Variants in COL25A1 observed in about 807,000 individuals in gnomAD.
The protein encoded by COL25A1 is collagen alpha-1(XXV) chain.
A neutral mutation model predicts 128.4 loss-of-function variants in COL25A1; 103 were observed. The observed-to-expected ratio is 0.80, with a 90% CI of 0.68 to 0.94. The LOEUF (loss-of-function observed/expected upper bound fraction) is 0.94, where lower values mean the gene tolerates loss of function less well. COL25A1 is among the 40% of genes least tolerant of loss of function. COL25A1 has a pLI of 0.00. For missense variants in COL25A1, 745 were observed against 840.0 expected (o/e 0.89, Z 1.40); for synonymous variants, 279 against 277.2 (o/e 1.01, Z -0.06).
chr4:109,104,322 A>C (rs371161795), intron 3 of COL25A1, among the ~76,000 whole-genome samples: 79 of 152,164 alleles, frequency 5.2e-4, no homozygotes, highest in African/African-American at 1.8e-3. Context: ...ACAGTGAGCT[A>C]TAACTGTGCC....
At chr4:108,997,781 C>A (rs1754921154) in intron 6 of COL25A1, among the ~76,000 whole-genome samples, 1 of 152,176 alleles carries the variant, frequency 6.6e-6, no homozygotes, top group Admixed American at 6.5e-5. Context: ...CCACCATGAT[C>A]AAGTCAGCTT....
chr4:109,161,604 A>C (rs1189615303), intron 3 of COL25A1, among the ~76,000 whole-genome samples: 2 of 152,118 alleles, frequency 1.3e-5, no homozygotes, highest in African/African-American at 4.8e-5. Flanking sequence ...TTTCTGCTGC[A>C]CTCTGAATTG....
intron 26 of COL25A1, among the ~76,000 whole-genome samples, chr4:108,849,582 T>A (rs1259070348): frequency 3.3e-5 from 5 of 152,196 alleles, no homozygotes; most frequent in African/African-American, 1.2e-4. Context: ...TAGTCACTTC[T>A]CAGTTTTGAA....
intron 18 of COL25A1, among the ~76,000 whole-genome samples, chr4:108,886,445 TGTGTGTG>T (rs1740785694): frequency 9.0e-5 from 1 of 11,094 alleles, no homozygotes; most frequent in Non-Finnish European, 2.2e-4. Context: ...TGAGATTTTG[TGTGTGTG>T]TGTGTGTGTG....
At chr4:109,232,855 CA>C (rs1309750887) in intron 3 of COL25A1, among the ~76,000 whole-genome samples, 1 of 152,124 alleles carries the variant, frequency 6.6e-6, no homozygotes, top group Non-Finnish European at 1.5e-5. Context: ...CTGACTAAGG[CA>C]GAAGAGCAGC....
chr4:108,962,011 G>A (rs1578902428), intron 8 of COL25A1, among the ~76,000 whole-genome samples: 1 of 152,080 alleles, frequency 6.6e-6, no homozygotes. Context: ...TGAAGACATC[G>A]CAAATGAGAC....
intron 18 of COL25A1, among the ~76,000 whole-genome samples, chr4:108,886,492 G>GTCTGTGTTTTTT (rs58157157): frequency 9.2e-6 from 1 of 109,248 alleles, no homozygotes; most frequent in Admixed American, 9.0e-5. Context: ...GTGTGTGTGT[G>GTCTGTGTTTTTT]TTTAGCTCAT....
rs149463831 is a variant in COL25A1, at chr4:109,136,717, G to A, written c.368-86538C>T. 7.6e-4 allele frequency among the ~76,000 whole-genome samples: 115 copies of A among 152,232 alleles called. 1 individual carries two copies. The East Asian group carries it at 0.018, about 23-fold the overall frequency. ...GTAGATAATGTAAGCCATGTGTGGC[G>A]GGCAGCCGCTGAGAAGGCCTCAGTG... On this transcript the variant is annotated intron_variant, in intron 3 of 37. Transcript: ENST00000399132.
At chr4:108,964,445 T>C (rs1409071193) in intron 8 of COL25A1, among the ~76,000 whole-genome samples, 2 of 152,058 alleles carry the variant, frequency 1.3e-5, no homozygotes, top group Non-Finnish European at 2.9e-5. Context: ...TTTACTCAAC[T>C]GAATTACTAT....
chr4:109,275,033 A>G (rs981048077), intron 3 of COL25A1, among the ~76,000 whole-genome samples: 1 of 152,220 alleles, frequency 6.6e-6, no homozygotes, highest in African/African-American at 2.4e-5. Context: ...TGTATACACA[A>G]TGGCCCTCTT....
chr4:108,872,689 T>C lies in COL25A1; in HGVS notation c.1021-3539A>G, dbSNP rs200551046. 6.5e-4 allele frequency among the ~76,000 whole-genome samples: 72 copies of C among 110,828 alleles called. 1 individual carries two copies. The highest frequency in any genetic ancestry group is 2.0e-3 in the South Asian group (9 of 4,440). The allele number at this position is 110,828 out of a possible 152,430, so 72.7% of individuals were successfully genotyped here. A position where few individuals can be genotyped will look rare whatever the true frequency, so the allele number is the denominator to read the frequency against. ...AGTCAGGCATTAGATTTGATATATA[T>C]ATACACACACACACACACATATACA... On this transcript the variant is annotated intron_variant, in intron 19 of 37. Coordinates refer to ENST00000399132, the MANE Select transcript of COL25A1 (RefSeq NM_198721.4).
At chr4:108,987,080 T>C (rs1312455203) in intron 6 of COL25A1, among the ~76,000 whole-genome samples, 1 of 152,228 alleles carries the variant, frequency 6.6e-6, no homozygotes, top group Non-Finnish European at 1.5e-5. Flanking sequence ...ATAGTAGTTA[T>C]ATAATTTAAA....
chr4:109,034,120 T>C (rs901956054), intron 5 of COL25A1, among the ~76,000 whole-genome samples: 1 of 152,124 alleles, frequency 6.6e-6, no homozygotes, highest in Non-Finnish European at 1.5e-5. Context: ...ATAACAAAAA[T>C]GTAGTAGTAT....
intron 3 of COL25A1, among the ~76,000 whole-genome samples, chr4:109,202,997 T>TA (rs11409156): frequency 0.035 from 5,255 of 151,354 alleles, 307 homozygotes; most frequent in African/African-American, 0.12. Context: ...TAAAGGGGTG[T>TA]AAAAAAAATC....
intron 6 of COL25A1, 61 bp downstream of exon 6, chr4:109,010,297 A>G: frequency 7.9e-7 from 1 of 1,260,372 alleles, no homozygotes; most frequent in Admixed American, 2.4e-5. Context: ...AATTGCAGAA[A>G]GACCTCCACA....
chr4:108,882,347 G>A (rs944885804), intron 19 of COL25A1, among the ~76,000 whole-genome samples: 5 of 151,324 alleles, frequency 3.3e-5, no homozygotes, highest in East Asian at 1.9e-4. Flanking sequence ...AAGTTCAGGA[G>A]AAGGGACAAC....
chr4:108,984,923 A>G (rs1753510012), intron 6 of COL25A1, among the ~76,000 whole-genome samples: 1 of 152,218 alleles, frequency 6.6e-6, no homozygotes, highest in African/African-American at 2.4e-5. Flanking sequence ...CTCAGTATGT[A>G]GAGCAATATA....
chr4:108,963,325 A>T (rs1246890614), intron 8 of COL25A1, among the ~76,000 whole-genome samples: 1 of 152,212 alleles, frequency 6.6e-6, no homozygotes, highest in African/African-American at 2.4e-5. Flanking sequence ...GGTGGTAATA[A>T]TGTTCAATTT....
At chr4:108,857,166 G>A (rs1736624846) in intron 24 of COL25A1, among the ~76,000 whole-genome samples, 1 of 152,020 alleles carries the variant, frequency 6.6e-6, no homozygotes, top group Non-Finnish European at 1.5e-5. Flanking sequence ...CCTCTTAAAG[G>A]TAGCTGGAAT....
Sources: allele counts gnomAD v4.1 joint callset (sites outside exome capture counted in the v4.1 genomes callset), GRCh38; gene constraint gnomAD v4.1.1; transcripts MANE v1.5; gene names NCBI Gene and HGNC (gene_info 2026-07-23, HGNC 2026-07-21).